Variants in AGBL4 observed in about 807,000 individuals in gnomAD.
AGBL4 encodes AGBL carboxypeptidase 4, also known as cytosolic carboxypeptidase 6.
AGBL4 carries 58 observed loss-of-function variants against 66.4 expected under a neutral mutation model. The ratio of observed to expected loss-of-function variants is 0.87; its 90% CI spans 0.71 to 1.09. The LOEUF is 1.09. Among genes scored for constraint, AGBL4 ranks in the 50% least tolerant of loss-of-function variants. AGBL4 has a pLI of 0.00. For synonymous variants in AGBL4, 234 were observed against 222.9 expected (o/e 1.05, Z -0.44); for missense variants, 579 against 631.0 (o/e 0.92, Z 0.88).
chr1:48,688,613 T>C (rs889466081), intron 6 of AGBL4, among the ~76,000 whole-genome samples: 3 of 152,104 alleles, frequency 2.0e-5, no homozygotes, highest in African/African-American at 7.2e-5. Flanking sequence ...TCCCTTTGCT[T>C]ACACTGCAGG....
intron 6 of AGBL4, among the ~76,000 whole-genome samples, chr1:48,699,638 T>A (rs1226077104): frequency 2.0e-5 from 3 of 152,228 alleles, no homozygotes; most frequent in African/African-American, 7.2e-5. Flanking sequence ...TAAATTACCC[T>A]GGCTCTCTTA....
In AGBL4 at chr1:49,340,459, T is replaced by C. The variant is rs144586558; in HGVS notation, c.283-94595A>G. Among the ~76,000 whole-genome samples the C allele has an allele frequency of 3.6e-3, 547 of 152,308 alleles. 5 individuals are homozygous for C. The highest frequency in any genetic ancestry group is 2.0e-3 in the Non-Finnish European group (138 of 68,030). ...AAGACAAATGAAAACAAGGATTAAC[T>C]CTATTTCATCTAAAAACTCCATTGT... On this transcript the variant is annotated intron_variant, in intron 3 of 13. Transcript: ENST00000371839.
intron 1 of AGBL4, among the ~76,000 whole-genome samples, chr1:49,986,053 T>C (rs930561080): frequency 9.2e-5 from 14 of 152,156 alleles, no homozygotes; most frequent in African/African-American, 3.4e-4. Flanking sequence ...TTGAAACAGA[T>C]TGATTTTTAA....
intron 5 of AGBL4, among the ~76,000 whole-genome samples, chr1:49,011,387 G>C (rs781725962): frequency 1.3e-5 from 2 of 152,078 alleles, no homozygotes; most frequent in Non-Finnish European, 2.9e-5. Flanking sequence ...AACAACAGGT[G>C]CTGGAGAGGG....
chr1:49,682,632 G>T (rs926464693), intron 3 of AGBL4, among the ~76,000 whole-genome samples: 2 of 152,102 alleles, frequency 1.3e-5, no homozygotes, highest in Admixed American at 1.3e-4. Flanking sequence ...CCAGACGAAG[G>T]CCCTAGAGCA....
At chr1:49,642,290 G>A (rs1330229820) in intron 3 of AGBL4, among the ~76,000 whole-genome samples, 1 of 151,938 alleles carries the variant, frequency 6.6e-6, no homozygotes, top group Non-Finnish European at 1.5e-5. Context: ...GACATTGGAA[G>A]GTAGGCAACA....
chr1:49,344,565 T>C (rs1645603011), intron 3 of AGBL4, among the ~76,000 whole-genome samples: 1 of 152,138 alleles, frequency 6.6e-6, no homozygotes, highest in Non-Finnish European at 1.5e-5. Flanking sequence ...TAAAGGGGTG[T>C]TATTCAGTTT....
chr1:48,558,954 G>A (rs1234959636), intron 11 of AGBL4, among the ~76,000 whole-genome samples: 3 of 152,100 alleles, frequency 2.0e-5, no homozygotes, highest in African/African-American at 7.2e-5. Context: ...AATCATATGA[G>A]CAGTTTTTAC....
chr1:49,957,494 A>C (rs1656717541), intron 1 of AGBL4, among the ~76,000 whole-genome samples: 1 of 151,776 alleles, frequency 6.6e-6, no homozygotes, highest in African/African-American at 2.4e-5. Flanking sequence ...GTGGGAGTCT[A>C]AGTCTCTTTG....
chr1:49,006,668 A>T (rs9793655), intron 5 of AGBL4, among the ~76,000 whole-genome samples: 1 of 146,778 alleles, frequency 6.8e-6, no homozygotes. Context: ...CCCAGTACGC[A>T]GCTGGAGATC....
At chr1:48,655,100 G>A (rs1018059128) in intron 7 of AGBL4, among the ~76,000 whole-genome samples, 2 of 152,200 alleles carry the variant, frequency 1.3e-5, no homozygotes, top group Non-Finnish European at 2.9e-5. Flanking sequence ...CTTCACAGAT[G>A]AGCAGATTAA....
intron 6 of AGBL4, among the ~76,000 whole-genome samples, chr1:48,866,755 C>G (rs1648133418): frequency 6.6e-6 from 1 of 152,196 alleles, no homozygotes; most frequent in South Asian, 2.1e-4. Flanking sequence ...ACCCTCTACA[C>G]AGCCAACCAA....
intron 5 of AGBL4, among the ~76,000 whole-genome samples, chr1:48,940,793 A>C (rs547326065): frequency 2.6e-5 from 4 of 152,362 alleles, no homozygotes; most frequent in African/African-American, 9.6e-5. Flanking sequence ...GCTTGCTCTC[A>C]ATCATTGGTT....
chr1:50,015,530 G>A (rs1294713488), intron 1 of AGBL4, among the ~76,000 whole-genome samples: 1 of 152,166 alleles, frequency 6.6e-6, no homozygotes, highest in Non-Finnish European at 1.5e-5. Context: ...GGTGGCATGT[G>A]CCTGTAGTTC....
intron 4 of AGBL4, among the ~76,000 whole-genome samples, chr1:49,096,073 C>A (rs1165190606): frequency 2.0e-5 from 3 of 151,780 alleles, no homozygotes; most frequent in East Asian, 1.9e-4. Context: ...ATGCAGCCAA[C>A]AGACACATGA....
chr1:49,947,625 A>T (rs1248899189), intron 1 of AGBL4, among the ~76,000 whole-genome samples: 1 of 151,746 alleles, frequency 6.6e-6, no homozygotes, highest in African/African-American at 2.4e-5. Context: ...TCCCTCTGAG[A>T]ACTGGAACAA....
At chr1:49,310,947 A>G (rs1644932264) in intron 3 of AGBL4, among the ~76,000 whole-genome samples, 2 of 152,068 alleles carry the variant, frequency 1.3e-5, no homozygotes, top group African/African-American at 4.8e-5. Flanking sequence ...GTTGGGATTT[A>G]AACCAGGCAG....
intron 2 of AGBL4, chr1:49,845,105 G>C (rs1557505719): frequency 1.1e-5 from 16 of 1,461,564 alleles, no homozygotes; most frequent in Non-Finnish European, 1.5e-5. Context: ...AAGGCCTTTA[G>C]TCACAGCTCA....
intron 13 of AGBL4, 69 bp from the exon 14 acceptor site, chr1:48,534,362 T>C (rs1260310616): frequency 7.4e-6 from 11 of 1,485,364 alleles, no homozygotes; most frequent in Non-Finnish European, 9.9e-6. Flanking sequence ...ATCATTTGTG[T>C]GCATGTCTAT....
Sources: allele counts gnomAD v4.1 joint callset (sites outside exome capture counted in the v4.1 genomes callset), GRCh38; gene constraint gnomAD v4.1.1; transcripts MANE v1.5; gene names NCBI Gene and HGNC (gene_info 2026-07-23, HGNC 2026-07-21).